LPP: variants seen among roughly 807,000 people sequenced by gnomAD.
LPP encodes the protein LIM domain containing preferred translocation partner in lipoma.
In LPP, 38 loss-of-function variants were observed where a neutral mutation model predicts 60.4. The observed-to-expected ratio is 0.63, with a 90% confidence interval of 0.49 to 0.83. The LOEUF (loss-of-function observed/expected upper bound fraction) is 0.83. Ranked by LOEUF, LPP falls within the 40% of genes least tolerant of loss-of-function variation. LPP has a pLI of 0.00. For missense variants in LPP, 902 were observed against 783.6 expected, an observed-to-expected ratio of 1.15 and a Z score of -1.80; for synonymous variants, 328 against 290.8, an observed-to-expected ratio of 1.13 and a Z score of -1.30.
chr3:188,833,064 C>T (rs1236286539), intron 9 of LPP, among the ~76,000 whole-genome samples: 1 of 152,162 alleles, frequency 6.6e-6, no homozygotes, highest in Non-Finnish European at 1.5e-5. Flanking sequence ...AGAGTTGTGA[C>T]GATCAAGTAA....
intron 6 of LPP, among the ~76,000 whole-genome samples, chr3:188,526,652 T>C (rs1579648818): frequency 6.6e-6 from 1 of 152,306 alleles, no homozygotes; most frequent in East Asian, 1.9e-4. Flanking sequence ...TTGTTAGCCA[T>C]GTGGGATTCA....
intron 2 of LPP, among the ~76,000 whole-genome samples, chr3:188,229,746 A>G (rs1417257579): frequency 6.6e-6 from 1 of 152,182 alleles, no homozygotes; most frequent in African/African-American, 2.4e-5. Context: ...CTAATTCCAC[A>G]TTCTCCTATT....
At chr3:188,511,091 C>G (rs1230442137) in intron 5 of LPP, among the ~76,000 whole-genome samples, 1 of 123,094 alleles carries the variant, frequency 8.1e-6, no homozygotes, top group Non-Finnish European at 1.7e-5. Context: ...TCCCTGCCCC[C>G]CTCCCTCCCT....
intron 1 of LPP, among the ~76,000 whole-genome samples, chr3:188,214,332 C>T (rs1001809093): frequency 1.7e-4 from 26 of 152,052 alleles, no homozygotes; most frequent in Middle Eastern, 3.4e-3. Context: ...GGTTTCACCA[C>T]GTTGGCCAGG....
chr3:188,260,842 G>T (rs1028878667), intron 2 of LPP, among the ~76,000 whole-genome samples: 38 of 152,106 alleles, frequency 2.5e-4, no homozygotes, highest in Non-Finnish European at 4.1e-4. Context: ...AGAGCAGCCT[G>T]ACCAACTTGG....
At chr3:188,313,920 T>C (rs1026124393) in intron 2 of LPP, among the ~76,000 whole-genome samples, 1 of 152,188 alleles carries the variant, frequency 6.6e-6, no homozygotes, top group African/African-American at 2.4e-5. Flanking sequence ...CATTTAATTA[T>C]ATGTGTGTGT....
At chr3:188,736,916 G>T (rs1722723043) in intron 8 of LPP, among the ~76,000 whole-genome samples, 1 of 151,952 alleles carries the variant, frequency 6.6e-6, no homozygotes, top group Non-Finnish European at 1.5e-5. Flanking sequence ...ATGAGATATT[G>T]CCAAAACACT....
chr3:188,614,722 T>C (rs1415884080), intron 7 of LPP, among the ~76,000 whole-genome samples: 1 of 152,210 alleles, frequency 6.6e-6, no homozygotes, highest in Non-Finnish European at 1.5e-5. Context: ...GGCAAGTGAC[T>C]GAATGTTGGC....
intron 2 of LPP, among the ~76,000 whole-genome samples, chr3:188,277,639 G>A (rs1740447328): frequency 6.6e-6 from 1 of 152,132 alleles, no homozygotes. Flanking sequence ...ATCTCTCTAA[G>A]AGACATGGAC....
intron 9 of LPP, among the ~76,000 whole-genome samples, chr3:188,836,409 G>T (rs10804916): frequency 0.32 from 48,508 of 152,136 alleles, 9,269 homozygotes; most frequent in East Asian, 0.84. Flanking sequence ...TAAACATTTG[G>T]CATTCCATGA....
At chr3:188,482,248 A>G (rs1284752352) in intron 4 of LPP, among the ~76,000 whole-genome samples, 1 of 152,178 alleles carries the variant, frequency 6.6e-6, no homozygotes, top group Non-Finnish European at 1.5e-5. Flanking sequence ...TTCTTTATAA[A>G]TTGCCCATTC....
intron 6 of LPP, among the ~76,000 whole-genome samples, chr3:188,591,246 TA>T (rs1338293288): frequency 1.3e-5 from 2 of 152,204 alleles, no homozygotes; most frequent in East Asian, 1.9e-4. Flanking sequence ...CCCTTTCTCT[TA>T]AAGGATCCAG....
intron 3 of LPP, among the ~76,000 whole-genome samples, chr3:188,371,758 G>A (rs113432924): frequency 0.012 from 1,627 of 140,822 alleles, 28 homozygotes; most frequent in African/African-American, 0.04. Flanking sequence ...GGGTTCAAAC[G>A]ATTCTCCTGC....
At chr3:188,275,202 A>G (rs180962797) in intron 2 of LPP, among the ~76,000 whole-genome samples, 1 of 152,276 alleles carries the variant, frequency 6.6e-6, no homozygotes, top group East Asian at 1.9e-4. Context: ...AACTGTACAG[A>G]GTACATTTCC....
chr3:188,597,867 C>G (rs2151176325), intron 6 of LPP, among the ~76,000 whole-genome samples: 1 of 152,142 alleles, frequency 6.6e-6, no homozygotes, highest in Middle Eastern at 3.4e-3. Context: ...TTGCTAGACC[C>G]TAAGGATGGA....
At chr3:188,703,336 A>C (rs1864858472) in intron 7 of LPP, among the ~76,000 whole-genome samples, 1 of 152,166 alleles carries the variant, frequency 6.6e-6, no homozygotes. Context: ...TTTTCTTAGG[A>C]GGTATTGAGC....
intron 9 of LPP, among the ~76,000 whole-genome samples, chr3:188,800,603 GT>G (rs2151150906): frequency 6.6e-6 from 1 of 152,198 alleles, no homozygotes; most frequent in Admixed American, 6.5e-5. Context: ...GTGTATGTAT[GT>G]TTCCATTTTG....
chr3:188,362,944 C>A (rs184585160), intron 3 of LPP, among the ~76,000 whole-genome samples: 1 of 152,132 alleles, frequency 6.6e-6, no homozygotes. Context: ...ATTATTAATT[C>A]CAGATGGGAA....
rs188414033 is a variant in LPP at position 188,226,030 on chromosome 3, A to G, written c.-67+503A>G. Among the ~76,000 whole-genome samples, 23 of 152,166 alleles carry G rather than the reference A, an allele frequency of 1.5e-4. No individual in the cohort carries two copies. The East Asian group carries it at 4.4e-3, about 29-fold the overall frequency. On this transcript the variant is annotated intron_variant, in intron 2 of 11. Coordinates refer to ENST00000617246, the MANE Select transcript of LPP (RefSeq NM_001375462.1). ...CATTTTATGTATTTATTTTTTTGAG[A>G]TGGAGTCTTGCTCTGTTGCCCATTC...
Sources: gnomAD v4.1 joint callset for allele counts (sites outside exome capture counted in the v4.1 genomes callset) on GRCh38, gnomAD v4.1.1 for gene constraint, MANE v1.5 for transcripts, NCBI Gene and HGNC (gene_info 2026-07-23, HGNC 2026-07-21) for gene names.